Variants in IL3RA observed in about 807,000 individuals in gnomAD.
The protein encoded by IL3RA is interleukin-3 receptor subunit alpha.
IL3RA carries 73 observed loss-of-function variants against 52.3 expected under a neutral mutation model. The observed-to-expected ratio is 1.40, with a 90% CI of 1.16 to 1.70. IL3RA has a LOEUF of 1.70. Ranked by LOEUF, IL3RA falls within the 40% of genes most tolerant of loss-of-function variation. The probability of loss-of-function intolerance (pLI) is 0.00; values close to 1 mark genes in which losing one functional copy is unlikely to be tolerated. For missense variants in IL3RA, 664 were observed against 504.4 expected (o/e 1.32, Z -3.03); for synonymous variants, 260 against 194.0 (o/e 1.34, Z -2.83).
rs775643790 is a variant in IL3RA, at chrX:1,349,358, T to G, written c.298+813T>G. 2.0e-5 allele frequency among the ~76,000 whole-genome samples: 3 copies of G among 151,738 alleles called. No homozygotes were observed. The East Asian group carries it at 5.9e-4, about 30-fold the overall frequency. On this transcript the variant is annotated intron_variant, in intron 4 of 11. Transcript: ENST00000331035. ...CGCCACGCCCAGCTAATTCTTGTAT[T>G]TTTAGTAGAGATGGGGTTTCACCAT...
At chrX:1,350,476 C>A (rs1362595044) in intron 4 of IL3RA, among the ~76,000 whole-genome samples, 2 of 150,730 alleles carry the variant, frequency 1.3e-5, no homozygotes, top group African/African-American at 4.9e-5. Context: ...GTAGTCCCAG[C>A]TACTCAGGAG....
intron 8 of IL3RA, among the ~76,000 whole-genome samples, chrX:1,363,822 G>A (rs2087686974): frequency 6.6e-6 from 1 of 151,478 alleles, no homozygotes; most frequent in Admixed American, 6.6e-5. Context: ...TGGGCTCAAG[G>A]GATCCTCCTG....
intron 6 of IL3RA, among the ~76,000 whole-genome samples, chrX:1,352,835 AC>A (rs1191061129): frequency 1.3e-5 from 2 of 151,192 alleles, no homozygotes; most frequent in African/African-American, 4.9e-5. Context: ...GGGTCATGGG[AC>A]CCCCCATCAT....
intron 1 of IL3RA, among the ~76,000 whole-genome samples, 190 bp downstream of exon 1, chrX:1,337,116 C>T (rs1220069899): frequency 1.3e-5 from 2 of 152,176 alleles, no homozygotes; most frequent in South Asian, 2.1e-4. Flanking sequence ...AGTATGTTTG[C>T]GATCTCATTC....
At position 1,365,120 on chromosome X, in the gene IL3RA, T is replaced by C; in HGVS notation, c.760-18T>C. ...CACCATACCTGGCCCCTCTTCTTTATTTTCTTTCAAACCACAGGTCAGAGA... is the reference window on the plus strand; with the variant it reads ...CACCATACCTGGCCCCTCTTCTTTACTTTCTTTCAAACCACAGGTCAGAGA... On this transcript the variant is annotated intron_variant, in intron 8 of 11. Coordinates refer to ENST00000331035, the MANE Select transcript of IL3RA (RefSeq NM_002183.4). 6.3e-7 allele frequency: 1 copy of C among 1,587,114 alleles called. No homozygotes were observed.
At chrX:1,361,729 G>C (rs764513953) in intron 8 of IL3RA, among the ~76,000 whole-genome samples, 1 of 146,178 alleles carries the variant, frequency 6.8e-6, no homozygotes, top group East Asian at 2.0e-4. Flanking sequence ...CTCCAGCCTG[G>C]GTGACAGAGT....
chrX:1,361,141 GTC>G (rs780129311), intron 8 of IL3RA, among the ~76,000 whole-genome samples: 2 of 71,786 alleles, frequency 2.8e-5, no homozygotes, highest in African/African-American at 1.3e-4. Flanking sequence ...TCCCCTCTCT[GTC>G]TCTCTCTCCC....
chrX:1,378,990 C>T (rs1207520101), intron 10 of IL3RA, among the ~76,000 whole-genome samples: 11 of 147,430 alleles, frequency 7.5e-5, no homozygotes, highest in Non-Finnish European at 1.3e-4. Context: ...TTACAGGCAC[C>T]CAGCAACACA....
chrX:1,348,221 CGG>C (rs1370011985), intron 3 of IL3RA, among the ~76,000 whole-genome samples: 9 of 150,200 alleles, frequency 6.0e-5, no homozygotes, highest in Non-Finnish European at 1.0e-4. Context: ...GGCGTGGTGG[CGG>C]GCACCTGTAA....
chrX:1,341,469 C>T (rs1257928499), intron 1 of IL3RA, among the ~76,000 whole-genome samples: 1 of 152,170 alleles, frequency 6.6e-6, no homozygotes, highest in Non-Finnish European at 1.5e-5. Context: ...GACATGGCTA[C>T]ATAGAGGCAT....
chrX:1,339,863 A>G (rs1234071916), intron 1 of IL3RA, among the ~76,000 whole-genome samples: 1 of 152,098 alleles, frequency 6.6e-6, no homozygotes, highest in African/African-American at 2.4e-5. Context: ...AGTGTAGGAG[A>G]GCCAGCCTTT....
intron 1 of IL3RA, among the ~76,000 whole-genome samples, chrX:1,339,243 T>C (rs1230596622): frequency 6.6e-6 from 1 of 152,182 alleles, no homozygotes; most frequent in Non-Finnish European, 1.5e-5. Flanking sequence ...TGACTGTGTG[T>C]GGTGAGCCCA....
At chrX:1,359,881 CCTT>C (rs1185310860) in intron 8 of IL3RA, among the ~76,000 whole-genome samples, 1 of 146,362 alleles carries the variant, frequency 6.8e-6, no homozygotes, top group Non-Finnish European at 1.5e-5. Flanking sequence ...GTCTCTGTAA[CCTT>C]CTCCATTTCT....
At chrX:1,354,067 A>C (rs1348893730) in intron 6 of IL3RA, among the ~76,000 whole-genome samples, 3 of 146,804 alleles carry the variant, frequency 2.0e-5, no homozygotes, top group Non-Finnish European at 3.0e-5. Flanking sequence ...ACCATGGGTC[A>C]TGGGAGCCCC....
intron 4 of IL3RA, 56 bp from the exon 5 acceptor site, chrX:1,352,044 C>T (rs6422441): frequency 0.63 from 993,150 of 1,586,698 alleles, 313,597 homozygotes; most frequent in Non-Finnish European, 0.64. Flanking sequence ...GGGTGACAGG[C>T]GTGAGCCACC....
chrX:1,345,244 A>C lies in IL3RA; in HGVS notation c.65-72A>C. 3.1e-6 allele frequency: 3 copies of C among 962,524 alleles called. No individual in the cohort carries two copies. In the East Asian group the frequency reaches 7.4e-5, roughly 24 times the overall value. 59.6% of individuals were successfully genotyped at this position (962,524 alleles called of 1,614,324 possible). Reference sequence around the variant, plus strand: ...GCTAACTCCACGGGCAAAAAAAAAAAACCATACCCCTTACAATGCCGTTTT... The same window carrying C: ...GCTAACTCCACGGGCAAAAAAAAAACACCATACCCCTTACAATGCCGTTTT... On this transcript the variant is annotated intron_variant, in intron 2 of 11. Coordinates refer to ENST00000331035, the MANE Select transcript of IL3RA (RefSeq NM_002183.4).
chrX:1,353,818 CGGGTTCCATCAT>C (rs1202224807), intron 6 of IL3RA, among the ~76,000 whole-genome samples: 1 of 106,660 alleles, frequency 9.4e-6, no homozygotes, highest in Non-Finnish European at 1.9e-5. Context: ...CCCCCCATCA[CGGGTTCCATCAT>C]GGGTCATGGG....
rs1209593496 is a variant in IL3RA at position 1,352,732 on chromosome X, A to G, written c.616+226A>G. 2.1e-5 allele frequency among the ~76,000 whole-genome samples: 3 copies of G among 144,752 alleles called. No homozygotes were observed. The East Asian group carries it at 5.8e-4, about 28-fold the overall frequency. The allele number at this position is 144,752 out of a possible 152,430, so 95.0% of individuals were successfully genotyped here. ...TTCTCACTGTGTCTTCACGTGGTGT[A>G]GAGAGAGAGAGAGATGAAGTTCTGG... On this transcript the variant is annotated intron_variant, in intron 6 of 11. Transcript: ENST00000331035.
chrX:1,349,418 G>A (rs1378672284), intron 4 of IL3RA, among the ~76,000 whole-genome samples: 1 of 151,936 alleles, frequency 6.6e-6, no homozygotes. Context: ...CTGACTTCGT[G>A]ATCTGCCCGC....
Sources: allele counts gnomAD v4.1 joint callset (sites outside exome capture counted in the v4.1 genomes callset), GRCh38; gene constraint gnomAD v4.1.1; transcripts MANE v1.5; gene names NCBI Gene and HGNC (gene_info 2026-07-23, HGNC 2026-07-21).